The following ZNF234 variants were observed in gnomAD, a reference collection of about 807,000 sequenced individuals.
ZNF234 encodes zinc finger protein 234.
A neutral mutation model predicts 10.3 loss-of-function variants in ZNF234; 4 were observed. The ratio of observed to expected loss-of-function variants is 0.39; its 90% CI spans 0.19 to 0.89. The LOEUF (loss-of-function observed/expected upper bound fraction) is 0.89, where lower values mean the gene tolerates loss of function less well. Ranked by LOEUF, ZNF234 falls within the 40% of genes least tolerant of loss-of-function variation. ZNF234 has a pLI of 0.38. For synonymous variants in ZNF234, 258 were observed against 280.1 expected (o/e 0.92, Z 0.79); for missense variants, 711 against 836.1 (o/e 0.85, Z 1.85).
At position 44,157,019 on chromosome 19, in the gene ZNF234, C is replaced by G. The variant is rs1022345831; in HGVS notation, c.1003C>G (p.Gln335Glu). The G allele has an allele frequency of 6.2e-7, 1 of 1,613,776 alleles. No homozygotes were observed. Among genetic ancestry groups the G allele is most frequent in the African/African-American group, 1.3e-5 (1 of 74,810 alleles). ...FTCSSNLRIHQRVHTGEKPYK... is the reference protein window; with the variant it reads ...FTCSSNLRIHERVHTGEKPYK... ...TTGTAGCTCAAACCTTCGTATCCAT[C>G]AAAGGGTCCACACAGGAGAGAAACC... is the stretch of plus-strand genomic sequence containing the variant. Residue 335 changes from glutamine to glutamate, a missense_variant, in exon 6 of 6, where the codon CAA becomes GAA. By Grantham distance (29) the Gln-to-Glu change is conservative. Transcript: ENST00000426739.
rs1278751982 is a variant in ZNF234, at chr19:44,159,153, AT to A, written c.*1035del. ...GCCTGTCTAGTTTCCCAAAGGTTTT[AT>A]AAAACATAAGTTGAAGTACCTTTAT... On this transcript the variant is annotated 3_prime_UTR_variant, in exon 6 of 6. Coordinates refer to ENST00000426739, the MANE Select transcript of ZNF234 (RefSeq NM_006630.3). The A allele has an allele frequency of 6.6e-6, 1 of 152,270 alleles. No individual in the cohort carries two copies. Among genetic ancestry groups the A allele is most frequent in the East Asian group, 1.9e-4 (1 of 5,202 alleles). The allele number at this position is 152,270 out of a possible 1,614,324, so 9.4% of individuals were successfully genotyped here.
chr19:44,149,707 G>A (rs1871456387), intron 4 of ZNF234: 1 of 152,274 alleles, frequency 6.6e-6, no homozygotes, highest in Middle Eastern at 3.4e-3. Context: ...GGGAAGGAAT[G>A]TGCTTAGTTT....
Position 44,156,583 on chromosome 19 carries a change from A to C in ZNF234, c.567A>C (p.Ser189=). 6.2e-7 allele frequency: 1 copy of C among 1,614,172 alleles called. No homozygotes were observed. Among genetic ancestry groups the C allele is most frequent in the Non-Finnish European group, 8.5e-7 (1 of 1,180,018 alleles). The part of the protein sequence containing the change: ...DECGKSFCYI[S]ALHIHQRVHM... Reference sequence around the variant, plus strand: ...GTGGAAAAAGCTTCTGTTACATCTCAGCCCTTCATATTCATCAAAGAGTCC... The same window carrying C: ...GTGGAAAAAGCTTCTGTTACATCTCCGCCCTTCATATTCATCAAAGAGTCC... The change falls in exon 6 of 6, where the codon TCA becomes TCC. Residue 189 remains serine (S), a synonymous_variant. Coordinates refer to ENST00000426739, the MANE Select transcript of ZNF234 (RefSeq NM_006630.3).
intron 2 of ZNF234, among the ~76,000 whole-genome samples, chr19:44,143,263 C>T (rs761452643): frequency 3.9e-5 from 6 of 152,170 alleles, no homozygotes; most frequent in Non-Finnish European, 7.3e-5. Flanking sequence ...GAGGCCAAGG[C>T]CTGTGGATCA....
Position 44,156,567 on chromosome 19 carries a change from GCTT to G in ZNF234, c.554_556del (p.Phe185del), listed in dbSNP as rs1475719965. 1 of 1,614,046 alleles carries G rather than the reference GCTT, an allele frequency of 6.2e-7. No homozygotes were observed. The highest frequency in any genetic ancestry group is 2.2e-5 in the East Asian group (1 of 44,890). On this transcript the variant is annotated inframe_deletion, in exon 6 of 6. Transcript: ENST00000426739. ...CATACATGTGATGAGTGTGGAAAAA[GCTT>G]CTGTTACATCTCAGCCCTTCATATT...
intron 4 of ZNF234, 98 bp downstream of exon 4, chr19:44,148,995 A>C: frequency 7.1e-7 from 1 of 1,402,344 alleles, no homozygotes; most frequent in Non-Finnish European, 9.6e-7. Flanking sequence ...TTAGTCGCCT[A>C]CATTTGTAGA....
intron 5 of ZNF234, among the ~76,000 whole-genome samples, chr19:44,152,797 A>G (rs1441624972): frequency 6.6e-6 from 1 of 152,124 alleles, no homozygotes; most frequent in Non-Finnish European, 1.5e-5. Flanking sequence ...TGCTTCTTCC[A>G]AAGTGCCCAT....
At chr19:44,148,715 G>A in intron 3 of ZNF234, 56 bp from the exon 4 acceptor site, 1 of 1,608,104 alleles carries the variant, frequency 6.2e-7, no homozygotes, top group South Asian at 1.1e-5. Context: ...TCTCAGTGCT[G>A]TTTCTTTTCA....
chr19:44,153,177 T>TATATATATATAC (rs1555779765), intron 5 of ZNF234, among the ~76,000 whole-genome samples: 5 of 143,656 alleles, frequency 3.5e-5, no homozygotes, highest in African/African-American at 1.0e-4. Context: ...TATATATATA[T>TATATATATATAC]ATATATATAT....
In ZNF234 at chr19:44,159,093, G is replaced by C. The variant is rs576633176; in HGVS notation, c.*974G>C. On this transcript the variant is annotated 3_prime_UTR_variant, in exon 6 of 6. Coordinates refer to ENST00000426739, the MANE Select transcript of ZNF234 (RefSeq NM_006630.3). ...TTTACAGTTGACACCTGTCCTCTCT[G>C]TAGTCTCTTCTCTCAAATTTGGTTC... The C allele has an allele frequency of 6.6e-6, 1 of 152,324 alleles. No homozygotes were observed. The highest frequency in any genetic ancestry group is 2.1e-4 in the South Asian group (1 of 4,836). The allele number at this position is 152,324 out of a possible 1,614,324, so 9.4% of individuals were successfully genotyped here.
rs2293587 is a variant in ZNF234, at chr19:44,148,801, G to T, written c.46G>T (p.Val16Phe). The change falls in exon 4 of 6, where the codon GTC becomes TTC. Residue 16 changes from valine (V) to phenylalanine (F), a missense_variant. Val to Phe is a conservative substitution (Grantham distance 50). Coordinates refer to ENST00000426739, the MANE Select transcript of ZNF234 (RefSeq NM_006630.3). ...ACTGACCTTCAAGGATGTGGCTGTGGTCTTCACTGAGGAGGAGCTGGGGCT... is the reference window on the plus strand; with the variant it reads ...ACTGACCTTCAAGGATGTGGCTGTGTTCTTCACTGAGGAGGAGCTGGGGCT... ...EGLTFKDVAV[V>F]FTEEELGLLD... The T allele has an allele frequency of 3.7e-6, 6 of 1,613,532 alleles. No individual in the cohort carries two copies. Among genetic ancestry groups the T allele is most frequent in the Admixed American group, 3.3e-5 (2 of 59,966 alleles).
rs2122159252 is a variant in ZNF234, at chr19:44,157,632, C to T, written c.1616C>T (p.Pro539Leu). ...THQRVHSGEK[P>L]FKCEECGKSF... Reference sequence around the variant, plus strand: ...CAGAGAGTTCACAGTGGGGAAAAACCATTTAAATGTGAAGAGTGTGGGAAG... The same window carrying T: ...CAGAGAGTTCACAGTGGGGAAAAACTATTTAAATGTGAAGAGTGTGGGAAG... Residue 539 changes from proline (P) to leucine (L), a missense_variant, in exon 6 of 6, where the codon CCA (proline) becomes CTA (leucine). By Grantham distance (98) the Pro-to-Leu change is moderately conservative. Coordinates refer to ENST00000426739, the MANE Select transcript of ZNF234 (RefSeq NM_006630.3). 1 of 1,613,994 alleles carries T rather than the reference C, an allele frequency of 6.2e-7. No individual in the cohort carries two copies. Among genetic ancestry groups the T allele is most frequent in the South Asian group, 1.1e-5 (1 of 91,076 alleles).
chr19:44,146,806 CTTTTTTTTTTTTTT>C (rs60083912), intron 3 of ZNF234, among the ~76,000 whole-genome samples: 1 of 83,286 alleles, frequency 1.2e-5, no homozygotes, highest in Non-Finnish European at 2.5e-5. Flanking sequence ...CTCTCTCTCT[CTTTTTTTTTTTTTT>C]TTTTTTTTTT....
At position 44,156,678 on chromosome 19, in the gene ZNF234, CTCA is replaced by C; in HGVS notation, c.666_668del (p.His222del). ...TTTAGTCAGAGCTCACATCTTCAAA[CTCA>C]TCAGAGAGTCCACACTGTAGAGAAA... On this transcript the variant is annotated inframe_deletion, in exon 6 of 6. Coordinates refer to ENST00000426739, the MANE Select transcript of ZNF234 (RefSeq NM_006630.3). 1.2e-6 allele frequency: 2 copies of C among 1,614,150 alleles called. No individual in the cohort carries two copies. The highest frequency in any genetic ancestry group is 8.5e-7 in the Non-Finnish European group (1 of 1,180,022).
rs750881952 is a variant in ZNF234, at chr19:44,158,017, T to G, written c.2001T>G (p.Leu667=). 23 of 1,613,764 alleles carry G rather than the reference T, an allele frequency of 1.4e-5. No homozygotes were observed. The highest frequency in any genetic ancestry group is 1.8e-5 in the Non-Finnish European group (21 of 1,179,896). The change falls in exon 6 of 6, where the codon CTT becomes CTG. Residue 667 remains leucine, a synonymous_variant. Coordinates refer to ENST00000426739, the MANE Select transcript of ZNF234 (RefSeq NM_006630.3). ...AGAGGTTCAGCTGGCGATCAAATCT[T>G]GTAAGTCATCACAAAATTCATGCTG... is the stretch of plus-strand genomic sequence containing the variant. ...CGKRFSWRSN[L]VSHHKIHAAG...
Position 44,158,534 on chromosome 19 carries a change from G to A in ZNF234, c.*415G>A, listed in dbSNP as rs529048482. 3.9e-4 allele frequency: 89 copies of A among 228,542 alleles called. No homozygotes were observed. Among genetic ancestry groups the A allele is most frequent in the African/African-American group, 1.3e-3 (54 of 42,546 alleles). 14.2% of individuals were successfully genotyped at this position (228,542 alleles called of 1,614,324 possible). ...GCTGGGATTACAGGCATGAGCCACC[G>A]CCCCTGGCCTCCATCTAGACTTTGA... On this transcript the variant is annotated 3_prime_UTR_variant, in exon 6 of 6. Coordinates refer to ENST00000426739, the MANE Select transcript of ZNF234 (RefSeq NM_006630.3).
intron 5 of ZNF234, among the ~76,000 whole-genome samples, chr19:44,153,978 G>A (rs1267671030): frequency 6.6e-6 from 1 of 152,184 alleles, no homozygotes; most frequent in African/African-American, 2.4e-5. Flanking sequence ...ATTGTGGTGG[G>A]AAGGACATAC....
Position 44,157,407 on chromosome 19 carries a change from G to C in ZNF234, c.1391G>C (p.Gly464Ala). The part of the protein sequence containing the change: ...KPFKCEECGQ[G>A]FNQSSRLQIH... ...TTTAAGTGTGAAGAGTGTGGGCAGGGCTTCAATCAGAGCTCACGACTTCAG... is the reference window on the plus strand; with the variant it reads ...TTTAAGTGTGAAGAGTGTGGGCAGGCCTTCAATCAGAGCTCACGACTTCAG... The change falls in exon 6 of 6, where the codon GGC (glycine) becomes GCC (alanine). Residue 464 changes from glycine (G) to alanine (A), a missense_variant. Gly to Ala is a moderately conservative substitution (Grantham distance 60, BLOSUM62 0). Transcript: ENST00000426739. 1 of 1,613,930 alleles carries C rather than the reference G, an allele frequency of 6.2e-7. No individual in the cohort carries two copies. The highest frequency in any genetic ancestry group is 1.7e-5 in the Admixed American group (1 of 60,022).
chr19:44,158,788 T>G lies in ZNF234; in HGVS notation c.*669T>G, dbSNP rs1281403028. On this transcript the variant is annotated 3_prime_UTR_variant, in exon 6 of 6. Transcript: ENST00000426739. ...GTTTGACCTGGGCTTTAAAAAAGTA[T>G]ACTGATGAAGGTGCCAGAATTGATG... 1.9e-5 allele frequency: 3 copies of G among 154,094 alleles called. No individual in the cohort carries two copies. Among genetic ancestry groups the G allele is most frequent in the Admixed American group, 1.9e-4 (3 of 15,584 alleles). 9.5% of individuals were successfully genotyped at this position (154,094 alleles called of 1,614,324 possible). A position where few individuals can be genotyped will look rare whatever the true frequency, so the allele number is the denominator to read the frequency against.
Sources: allele counts gnomAD v4.1 joint callset (sites outside exome capture counted in the v4.1 genomes callset), GRCh38; gene constraint gnomAD v4.1.1; transcripts MANE v1.5; gene names NCBI Gene and HGNC (gene_info 2026-07-23, HGNC 2026-07-21).